Variants in COL25A1 observed in about 807,000 individuals in gnomAD.
The protein encoded by COL25A1 is collagen type XXV alpha 1 chain.
COL25A1 carries 103 observed loss-of-function variants against 128.4 expected under a neutral mutation model. The ratio of observed to expected loss-of-function variants is 0.80; its 90% CI spans 0.68 to 0.94. COL25A1 has a LOEUF of 0.94. Ranked by LOEUF, COL25A1 falls within the 40% of genes least tolerant of loss-of-function variation. The probability of loss-of-function intolerance (pLI) is 0.00; values close to 1 mark genes in which losing one functional copy is unlikely to be tolerated. For missense variants in COL25A1, 745 were observed against 840.0 expected (o/e 0.89, Z 1.40); for synonymous variants, 279 against 277.2 (o/e 1.01, Z -0.06).
At chr4:109,283,742 C>T (rs1723608109) in intron 3 of COL25A1, among the ~76,000 whole-genome samples, 1 of 152,120 alleles carries the variant, frequency 6.6e-6, no homozygotes, top group Non-Finnish European at 1.5e-5. Context: ...AACGTTTCTT[C>T]CCCTTCTCTT....
intron 3 of COL25A1, among the ~76,000 whole-genome samples, chr4:109,197,333 T>TATATATATTATATATAAAA (rs1404797945): frequency 2.0e-4 from 27 of 132,824 alleles, no homozygotes; most frequent in African/African-American, 7.7e-4. Context: ...CTCAAGTATA[T>TATATATATTATATATAAAA]ATATATATTA....
At chr4:108,919,606 A>C (rs1745262711) in intron 12 of COL25A1, among the ~76,000 whole-genome samples, 1 of 152,098 alleles carries the variant, frequency 6.6e-6, no homozygotes, top group African/African-American at 2.4e-5. Flanking sequence ...CGTGGGTTAA[A>C]TATCCCCCTC....
chr4:108,881,188 T>G (rs888133071), intron 19 of COL25A1, among the ~76,000 whole-genome samples: 1 of 152,204 alleles, frequency 6.6e-6, no homozygotes, highest in Non-Finnish European at 1.5e-5. Flanking sequence ...ACTTTTATTA[T>G]GTATGCCTAA....
intron 3 of COL25A1, among the ~76,000 whole-genome samples, chr4:109,103,108 T>C (rs1425059705): frequency 6.6e-6 from 1 of 152,160 alleles, no homozygotes; most frequent in East Asian, 1.9e-4. Flanking sequence ...CACACTGATG[T>C]TCTGAAACAC....
At chr4:108,927,149 T>A (rs988652530) in intron 11 of COL25A1, among the ~76,000 whole-genome samples, 2 of 152,198 alleles carry the variant, frequency 1.3e-5, no homozygotes, top group Non-Finnish European at 2.9e-5. Context: ...AAGTTCTTAA[T>A]CATTCTTCAA....
chr4:108,823,885 C>A, intron 35 of COL25A1: 2 of 1,350,500 alleles, frequency 1.5e-6, no homozygotes, highest in Non-Finnish European at 1.9e-6. Context: ...ATTTTTTTTT[C>A]AAAAATCCTT....
In COL25A1 at chr4:108,987,461, C is replaced by T. The variant is rs181251483; in HGVS notation, c.439-12902G>A. On this transcript the variant is annotated intron_variant, in intron 6 of 37. Transcript: ENST00000399132. ...CATGATCTCTGCTCACTGCAACCTC[C>T]GCCTCCCGGGTTCAGGCAATTCTCT... 1.6e-3 allele frequency among the ~76,000 whole-genome samples: 237 copies of T among 152,090 alleles called. 2 individuals are homozygous for T. The East Asian group carries it at 0.039, about 25-fold the overall frequency.
chr4:109,044,376 A>G (rs1579186448), intron 5 of COL25A1, among the ~76,000 whole-genome samples: 1 of 152,086 alleles, frequency 6.6e-6, no homozygotes, highest in Admixed American at 6.6e-5. Context: ...TGCTAAATTA[A>G]ATTTTATCAT....
At chr4:108,870,965 GA>G (rs945440392) in intron 19 of COL25A1, among the ~76,000 whole-genome samples, 4 of 151,812 alleles carry the variant, frequency 2.6e-5, no homozygotes, top group South Asian at 2.1e-4. Context: ...TAAAAGAGAA[GA>G]AAAAAAGAGT....
In COL25A1 at chr4:109,302,431, C is replaced by A. The variant is rs1473562293; in HGVS notation, c.-319G>T. The A allele has an allele frequency of 5.0e-6, 1 of 200,122 alleles. No individual in the cohort carries two copies. Among genetic ancestry groups the A allele is most frequent in the Non-Finnish European group, 1.0e-5 (1 of 100,056 alleles). 12.4% of individuals were successfully genotyped at this position (200,122 alleles called of 1,614,324 possible). A position where few individuals can be genotyped will look rare whatever the true frequency, so the allele number is the denominator to read the frequency against. On this transcript the variant is annotated 5_prime_UTR_variant, in exon 1 of 38. Coordinates refer to ENST00000399132, the MANE Select transcript of COL25A1 (RefSeq NM_198721.4). ...GCGGCTCGCCCTGGCCACGGAGGAC[C>A]GGACCTGTTGCGCCTCTGTGAGTTT... is the stretch of plus-strand genomic sequence containing the variant.
chr4:108,854,997 C>A (rs1262235229), intron 24 of COL25A1, among the ~76,000 whole-genome samples: 1 of 152,048 alleles, frequency 6.6e-6, no homozygotes, highest in Non-Finnish European at 1.5e-5. Flanking sequence ...TTTTTCTGGT[C>A]TAGGTTCTGT....
chr4:108,954,278 A>G (rs1749800921), intron 8 of COL25A1, among the ~76,000 whole-genome samples: 1 of 152,122 alleles, frequency 6.6e-6, no homozygotes, highest in African/African-American at 2.4e-5. Flanking sequence ...ATCATAAAAT[A>G]AACTTTCTAC....
intron 3 of COL25A1, among the ~76,000 whole-genome samples, chr4:109,236,295 A>G (rs1364444427): frequency 6.6e-6 from 1 of 152,136 alleles, no homozygotes; most frequent in Non-Finnish European, 1.5e-5. Flanking sequence ...TTTCCAGAAT[A>G]TATTTGCCAA....
chr4:109,209,910 G>A (rs1777357623), intron 3 of COL25A1, among the ~76,000 whole-genome samples: 1 of 151,910 alleles, frequency 6.6e-6, no homozygotes, highest in Non-Finnish European at 1.5e-5. Flanking sequence ...AATTAGCCAG[G>A]CGTAATGGTG....
intron 3 of COL25A1, among the ~76,000 whole-genome samples, chr4:109,064,816 G>T (rs756581819): frequency 6.6e-6 from 1 of 152,140 alleles, no homozygotes; most frequent in Non-Finnish European, 1.5e-5. Context: ...CTGGTCTCTA[G>T]TACCTACAAA....
chr4:108,988,732 A>G (rs964032147), intron 6 of COL25A1, among the ~76,000 whole-genome samples: 2 of 152,212 alleles, frequency 1.3e-5, no homozygotes, highest in African/African-American at 4.8e-5. Context: ...CCACCAGGCT[A>G]CTGAAGTTAC....
chr4:109,123,930 T>C (rs1472321778), intron 3 of COL25A1, among the ~76,000 whole-genome samples: 3 of 152,054 alleles, frequency 2.0e-5, no homozygotes, highest in African/African-American at 4.8e-5. Context: ...TTATACAAGT[T>C]GAGAAACAGA....
At chr4:108,990,272 A>ATATCTCTCTCTCTCTC (rs1237402687) in intron 6 of COL25A1, among the ~76,000 whole-genome samples, 2 of 123,650 alleles carry the variant, frequency 1.6e-5, no homozygotes, top group South Asian at 5.6e-4. Flanking sequence ...ATATATATAT[A>ATATCTCTCTCTCTCTC]TCTCAAAAGA....
chr4:109,087,291 G>A (rs895938349), intron 3 of COL25A1, among the ~76,000 whole-genome samples: 4 of 151,658 alleles, frequency 2.6e-5, no homozygotes, highest in Non-Finnish European at 4.4e-5. Flanking sequence ...GAAGCAGCAC[G>A]TACAAGAAAC....
Sources: gnomAD v4.1 joint callset for allele counts (sites outside exome capture counted in the v4.1 genomes callset) on GRCh38, gnomAD v4.1.1 for gene constraint, MANE v1.5 for transcripts, NCBI Gene and HGNC (gene_info 2026-07-23, HGNC 2026-07-21) for gene names.